Variants in LPP observed in about 807,000 individuals in gnomAD.
LPP encodes the protein LIM domain containing preferred translocation partner in lipoma.
In LPP, 38 loss-of-function variants were observed where a neutral mutation model predicts 60.4. The observed-to-expected ratio is 0.63, with a 90% CI of 0.49 to 0.83. The LOEUF is 0.83. Ranked by LOEUF, LPP falls within the 40% of genes least tolerant of loss-of-function variation. The probability of loss-of-function intolerance (pLI) is 0.00; values close to 1 mark genes in which losing one functional copy is unlikely to be tolerated. For missense variants in LPP, 902 were observed against 783.6 expected (o/e 1.15, Z -1.80); for synonymous variants, 328 against 290.8 (o/e 1.13, Z -1.30).
At chr3:188,230,886 G>T (rs540277532) in intron 2 of LPP, among the ~76,000 whole-genome samples, 1 of 152,314 alleles carries the variant, frequency 6.6e-6, no homozygotes, top group South Asian at 2.1e-4. Context: ...CAGTCCAGGT[G>T]TTGCTGGACC....
chr3:188,753,750 T>C (rs1329981855), intron 8 of LPP, among the ~76,000 whole-genome samples: 1 of 152,098 alleles, frequency 6.6e-6, no homozygotes, highest in Non-Finnish European at 1.5e-5. Context: ...TTGATCCTTT[T>C]CTTGTTGCGA....
intron 4 of LPP, among the ~76,000 whole-genome samples, chr3:188,476,418 A>G (rs572734448): frequency 1.3e-5 from 2 of 152,304 alleles, no homozygotes; most frequent in South Asian, 4.1e-4. Flanking sequence ...TTTGTGATGA[A>G]GTTTCCTTAA....
chr3:188,786,406 A>C (rs1435057177), intron 9 of LPP, among the ~76,000 whole-genome samples: 2 of 138,520 alleles, frequency 1.4e-5, no homozygotes, highest in African/African-American at 2.7e-5. Context: ...AAAAAAAAAA[A>C]AAAAACCAAC....
chr3:188,791,337 G>A (rs548739158), intron 9 of LPP, among the ~76,000 whole-genome samples: 1 of 152,268 alleles, frequency 6.6e-6, no homozygotes, highest in South Asian at 2.1e-4. Flanking sequence ...ACCTCATTCT[G>A]TTGCTTCCCT....
Position 188,882,777 on chromosome 3 carries a change from C to T in LPP, c.*8298C>T, listed in dbSNP as rs1291442601. The T allele has an allele frequency of 2.2e-5, 4 of 185,328 alleles. No individual in the cohort carries two copies. The highest frequency in any genetic ancestry group is 1.2e-4 in the Admixed American group (2 of 16,046). The allele number at this position is 185,328 out of a possible 1,614,324, so 11.5% of individuals were successfully genotyped here. A position where few individuals can be genotyped will look rare whatever the true frequency, so the allele number is the denominator to read the frequency against. On this transcript the variant is annotated 3_prime_UTR_variant, in exon 12 of 12. Transcript: ENST00000617246. ...CTTTTGAGACGGAGTCTTGCTCTGT[C>T]GCCCAGGCTGGAGTGCAGTGGCGCA... is the stretch of plus-strand genomic sequence containing the variant.
chr3:188,602,261 G>A (rs764985884), intron 6 of LPP, among the ~76,000 whole-genome samples: 2 of 145,106 alleles, frequency 1.4e-5, no homozygotes, highest in South Asian at 2.2e-4. Flanking sequence ...TAAGTGGCCT[G>A]GTTGGATGAG....
intron 8 of LPP, among the ~76,000 whole-genome samples, chr3:188,748,458 C>G (rs568777472): frequency 1.3e-5 from 2 of 152,198 alleles, no homozygotes; most frequent in Admixed American, 6.5e-5. Context: ...AGATTTACCA[C>G]TACTTGAGTA....
chr3:188,867,411 C>G (rs1260333531), intron 10 of LPP, among the ~76,000 whole-genome samples: 1 of 151,778 alleles, frequency 6.6e-6, no homozygotes, highest in Non-Finnish European at 1.5e-5. Context: ...GTAGTGCAAT[C>G]TCAGCTCACT....
chr3:188,570,310 T>A (rs1038729763), intron 6 of LPP, among the ~76,000 whole-genome samples: 3 of 152,012 alleles, frequency 2.0e-5, no homozygotes, highest in Non-Finnish European at 4.4e-5. Context: ...ATCCTGATGT[T>A]TTTGGTGAAT....
Position 188,708,408 on chromosome 3 carries a change from G to A in LPP, c.1240+15G>A, listed in dbSNP as rs372319831. On this transcript the variant is annotated intron_variant, in intron 8 of 11. Transcript: ENST00000617246. The stretch of plus-strand genomic sequence containing the variant: ...CGAATACTTTGGTGAGTGGGGCCTA[G>A]AGCTGACTTCTGAAGTAACTATCTT... 522 of 1,614,192 alleles carry A rather than the reference G, an allele frequency of 3.2e-4. No individual in the cohort carries two copies. In the Middle Eastern group the frequency reaches 5.1e-3, roughly 16 times the overall value.
chr3:188,887,129 TCCTTCATCACAAGAGAGTAAA>T lies in LPP; in HGVS notation c.*12651_*12671del, dbSNP rs1417940515. Reference sequence around the variant, plus strand: ...AGTAATCGTTACTATCTTGACTCTTTCCTTCATCACAAGAGAGTAAATATGAAGTCTGAATGTCGTTCCTCA... The same window carrying T: ...AGTAATCGTTACTATCTTGACTCTTTTATGAAGTCTGAATGTCGTTCCTCA... On this transcript the variant is annotated 3_prime_UTR_variant, in exon 12 of 12. Transcript: ENST00000617246. 1 of 228,694 alleles carries T rather than the reference TCCTTCATCACAAGAGAGTAAA, an allele frequency of 4.4e-6. No individual in the cohort carries two copies. The highest frequency in any genetic ancestry group is 2.2e-5 in the African/African-American group (1 of 45,088). 14.2% of individuals were successfully genotyped at this position (228,694 alleles called of 1,614,324 possible). A position where few individuals can be genotyped will look rare whatever the true frequency, so the allele number is the denominator to read the frequency against.
intron 8 of LPP, among the ~76,000 whole-genome samples, chr3:188,723,489 C>T (rs925374189): frequency 6.6e-6 from 1 of 152,150 alleles, no homozygotes; most frequent in African/African-American, 2.4e-5. Context: ...CAATCAGAGA[C>T]TGGACCCTCT....
rs995922014 is a variant in LPP, at chr3:188,669,931, G to T, written c.1114-38336G>T. On this transcript the variant is annotated intron_variant, in intron 7 of 11. Transcript: ENST00000617246. The stretch of plus-strand genomic sequence containing the variant: ...TGGAATACTAAGCAGCCATAAAAAA[G>T]GATGAGTTCATGTCCTTTGTAGCGA... Among the ~76,000 whole-genome samples the T allele has an allele frequency of 5.4e-4, 82 of 152,158 alleles. 2 individuals carry two copies. Among genetic ancestry groups the T allele is most frequent in the Non-Finnish European group, 1.5e-4 (10 of 68,028 alleles).
intron 3 of LPP, among the ~76,000 whole-genome samples, chr3:188,403,423 G>A (rs922927543): frequency 5.9e-5 from 9 of 152,138 alleles, no homozygotes; most frequent in Non-Finnish European, 1.2e-4. Context: ...GATTTATAGA[G>A]ACCTTCCAAG....
At chr3:188,769,963 C>T (rs1735337306) in intron 9 of LPP, among the ~76,000 whole-genome samples, 1 of 152,154 alleles carries the variant, frequency 6.6e-6, no homozygotes, top group African/African-American at 2.4e-5. Context: ...GAACTCACCA[C>T]TCAATGTTTG....
intron 7 of LPP, among the ~76,000 whole-genome samples, chr3:188,681,504 C>T (rs1232137135): frequency 6.6e-6 from 1 of 152,116 alleles, no homozygotes; most frequent in Non-Finnish European, 1.5e-5. Flanking sequence ...TCACATTGTA[C>T]CTAGGGTAAA....
intron 2 of LPP, among the ~76,000 whole-genome samples, chr3:188,250,194 C>T (rs1264462750): frequency 6.6e-6 from 1 of 152,132 alleles, no homozygotes; most frequent in African/African-American, 2.4e-5. Context: ...TCTCTTTAGT[C>T]TCCTTTGATT....
chr3:188,789,645 C>T (rs557923603), intron 9 of LPP, among the ~76,000 whole-genome samples: 1 of 129,716 alleles, frequency 7.7e-6, no homozygotes, highest in Non-Finnish European at 1.6e-5. Flanking sequence ...AAGTTGGAAA[C>T]CAGCTCACTT....
At chr3:188,485,796 C>CAGAAAAAAAAAA (rs1553911282) in intron 5 of LPP, among the ~76,000 whole-genome samples, 2 of 40,156 alleles carry the variant, frequency 5.0e-5, no homozygotes, top group African/African-American at 1.1e-4. Flanking sequence ...GACTCCGTCT[C>CAGAAAAAAAAAA]AAAAAAAAAA....
Sources: allele counts gnomAD v4.1 joint callset (sites outside exome capture counted in the v4.1 genomes callset), GRCh38; gene constraint gnomAD v4.1.1; transcripts MANE v1.5; gene names NCBI Gene and HGNC (gene_info 2026-07-23, HGNC 2026-07-21).